Variants in CNTNAP2 observed in about 807,000 individuals in gnomAD.
The protein encoded by CNTNAP2 is contactin associated protein 2.
CNTNAP2 carries 98 observed loss-of-function variants against 155.2 expected under a neutral mutation model. That is an observed-to-expected ratio of 0.63 (90% CI 0.54 to 0.75). The LOEUF is 0.75. CNTNAP2 is among the 30% of genes least tolerant of loss of function. CNTNAP2 has a pLI of 0.00. For synonymous variants in CNTNAP2, 651 were observed against 631.2 expected, an observed-to-expected ratio of 1.03 and a Z score of -0.47; for missense variants, 1,727 against 1,688.1, an observed-to-expected ratio of 1.02 and a Z score of -0.40.
intron 4 of CNTNAP2, among the ~76,000 whole-genome samples, chr7:147,094,472 G>T (rs940131665): frequency 1.3e-5 from 2 of 150,098 alleles, no homozygotes; most frequent in Non-Finnish European, 2.9e-5. Flanking sequence ...CGCGATCTCG[G>T]CTCACTGCAA....
intron 12 of CNTNAP2, among the ~76,000 whole-genome samples, chr7:147,610,602 G>A (rs12703951): frequency 0.17 from 25,698 of 152,074 alleles, 2,521 homozygotes; most frequent in East Asian, 0.34. Context: ...GTGGGCCTCA[G>A]TGAGGACGTG....
At chr7:148,227,890 T>C (rs1294096400) in intron 19 of CNTNAP2, among the ~76,000 whole-genome samples, 2 of 105,854 alleles carry the variant, frequency 1.9e-5, no homozygotes, top group Admixed American at 8.8e-5. Context: ...ACAGCGTGTG[T>C]GTGTGTGTGT....
At chr7:147,832,206 TTTAA>T (rs928127084) in intron 13 of CNTNAP2, among the ~76,000 whole-genome samples, 2 of 141,376 alleles carry the variant, frequency 1.4e-5, no homozygotes, top group South Asian at 2.1e-4. Flanking sequence ...TATATAAACA[TTTAA>T]TTAAATTATA....
rs755601249 is a variant in CNTNAP2 at position 147,249,604 on chromosome 7, T to TAAAAAAAAAAAAAAAAAAAAAAAAA, written c.1349-50516_1349-50515insAAAAAAAAAAAAAAAAAAAAAAAAA. On this transcript the variant is annotated intron_variant, in intron 8 of 23. Transcript: ENST00000361727. ...CTATAATAAAGGAAGACATTGGAGG[T>TAAAAAAAAAAAAAAAAAAAAAAAAA]AAAAAAAAAAAAAAAAAAAAAGGTT... 7.6e-4 allele frequency among the ~76,000 whole-genome samples: 53 copies of TAAAAAAAAAAAAAAAAAAAAAAAAA among 70,006 alleles called. 7 individuals are homozygous for TAAAAAAAAAAAAAAAAAAAAAAAAA. In the East Asian group the frequency reaches 0.013, roughly 18 times the overall value. 45.9% of individuals were successfully genotyped at this position (70,006 alleles called of 152,430 possible). A position where few individuals can be genotyped will look rare whatever the true frequency, so the allele number is the denominator to read the frequency against.
In CNTNAP2 at chr7:148,143,786, C is replaced by T. The variant is rs1373417335; in HGVS notation, c.2555-3705C>T. Among the ~76,000 whole-genome samples, 6 of 152,262 alleles carry T rather than the reference C, an allele frequency of 3.9e-5. No homozygotes were observed. In the East Asian group the frequency reaches 1.2e-3, roughly 29 times the overall value. On this transcript the variant is annotated intron_variant, in intron 16 of 23. Coordinates refer to ENST00000361727, the MANE Select transcript of CNTNAP2 (RefSeq NM_014141.6). ...TATCTCTGACATTTGTGAGGCAGCTCCAGCAACATTAAGAACCACAGCTTC... is the reference window on the plus strand; with the variant it reads ...TATCTCTGACATTTGTGAGGCAGCTTCAGCAACATTAAGAACCACAGCTTC...
intron 3 of CNTNAP2, among the ~76,000 whole-genome samples, chr7:146,944,575 T>C (rs1172409574): frequency 6.6e-6 from 1 of 152,132 alleles, no homozygotes; most frequent in African/African-American, 2.4e-5. Flanking sequence ...GATATACATA[T>C]GCATAGAAAA....
At chr7:146,128,304 C>T (rs1332976553) in intron 1 of CNTNAP2, among the ~76,000 whole-genome samples, 4 of 152,162 alleles carry the variant, frequency 2.6e-5, no homozygotes, top group African/African-American at 9.6e-5. Context: ...CCAAATACCT[C>T]TGTGCTGTAA....
chr7:146,369,050 TAC>T (rs57753770), intron 1 of CNTNAP2, among the ~76,000 whole-genome samples: 33,643 of 138,690 alleles, frequency 0.24, 4,593 homozygotes, highest in Admixed American at 0.35. Context: ...TATATATATA[TAC>T]ATATATATAT....
chr7:148,140,194 C>T (rs1055598260), intron 16 of CNTNAP2, among the ~76,000 whole-genome samples: 4 of 152,106 alleles, frequency 2.6e-5, no homozygotes, highest in African/African-American at 4.8e-5. Flanking sequence ...TTTCCTGGAA[C>T]GGGTGTGTAA....
chr7:146,666,802 A>G (rs994935208), intron 1 of CNTNAP2, among the ~76,000 whole-genome samples: 1 of 152,112 alleles, frequency 6.6e-6, no homozygotes, highest in Non-Finnish European at 1.5e-5. Flanking sequence ...TTTGAGAAAC[A>G]TCAGTTCAGA....
chr7:148,125,423 C>T (rs1804696943), intron 16 of CNTNAP2, among the ~76,000 whole-genome samples: 2 of 152,220 alleles, frequency 1.3e-5, no homozygotes, highest in South Asian at 4.1e-4. Flanking sequence ...GCCCTCCACG[C>T]TTAGTACACG....
chr7:146,728,079 G>A (rs1458129073), intron 1 of CNTNAP2, among the ~76,000 whole-genome samples: 2 of 152,198 alleles, frequency 1.3e-5, no homozygotes, highest in African/African-American at 2.4e-5. Flanking sequence ...GAAGCACGCT[G>A]AGGAGGCGGG....
At chr7:147,145,392 C>CTGAATATCCTGCAAAGCACAGGA (rs1363594532) in intron 8 of CNTNAP2, among the ~76,000 whole-genome samples, 9 of 152,198 alleles carry the variant, frequency 5.9e-5, no homozygotes, top group South Asian at 2.1e-4. Flanking sequence ...AAAAATCCTA[C>CTGAATATCCTGCAAAGCACAGGA]TGAATATCCT....
intron 17 of CNTNAP2, among the ~76,000 whole-genome samples, chr7:148,156,898 A>G (rs1805409058): frequency 1.3e-5 from 2 of 152,072 alleles, no homozygotes. Flanking sequence ...AAGCCCTGTG[A>G]GTCTACCTCC....
intron 22 of CNTNAP2, among the ~76,000 whole-genome samples, chr7:148,390,183 G>C (rs1799315066): frequency 6.6e-6 from 1 of 152,214 alleles, no homozygotes; most frequent in Non-Finnish European, 1.5e-5. Flanking sequence ...AGCTTGCAAA[G>C]AGACCAGGCT....
intron 13 of CNTNAP2, among the ~76,000 whole-genome samples, chr7:147,733,402 A>G (rs916638757): frequency 2.0e-5 from 3 of 152,202 alleles, no homozygotes; most frequent in African/African-American, 4.8e-5. Flanking sequence ...TACCAGTACC[A>G]TGCTGTTTTG....
At chr7:146,614,183 C>A (rs1799185946) in intron 1 of CNTNAP2, among the ~76,000 whole-genome samples, 1 of 152,142 alleles carries the variant, frequency 6.6e-6, no homozygotes, top group African/African-American at 2.4e-5. Context: ...CTGCTAATGA[C>A]TTAAAACTCC....
intron 1 of CNTNAP2, among the ~76,000 whole-genome samples, chr7:146,250,869 G>C (rs6464742): frequency 0.03 from 4,571 of 152,202 alleles, 226 homozygotes; most frequent in African/African-American, 0.11. Flanking sequence ...TGCCTTGTAA[G>C]TATGTAAAAA....
intron 2 of CNTNAP2, among the ~76,000 whole-genome samples, chr7:146,781,193 A>T (rs1585087594): frequency 7.0e-6 from 1 of 142,496 alleles, no homozygotes; most frequent in Non-Finnish European, 1.5e-5. Context: ...GCGCCACTAC[A>T]CTCCAGCCTG....
Sources: gnomAD v4.1 joint callset for allele counts (sites outside exome capture counted in the v4.1 genomes callset) on GRCh38, gnomAD v4.1.1 for gene constraint, MANE v1.5 for transcripts, NCBI Gene and HGNC (gene_info 2026-07-23, HGNC 2026-07-21) for gene names.